Variants in PDE4D observed in about 807,000 individuals in gnomAD.
PDE4D encodes the protein 3',5'-cyclic-AMP phosphodiesterase 4D.
In PDE4D, 24 loss-of-function variants were observed where a neutral mutation model predicts 87.4. The observed-to-expected ratio is 0.27, with a 90% CI of 0.20 to 0.39. The LOEUF (loss-of-function observed/expected upper bound fraction) is 0.39. PDE4D is among the 10% of genes least tolerant of loss of function. The pLI, the probability that PDE4D is intolerant of heterozygous loss-of-function variation, is 1.00. For missense variants in PDE4D, 714 were observed against 1,041.0 expected (o/e 0.69, Z 4.32); for synonymous variants, 384 against 383.2 (o/e 1.00, Z -0.02).
intron 3 of PDE4D, among the ~76,000 whole-genome samples, chr5:59,973,895 A>G (rs1476168937): frequency 6.6e-6 from 1 of 152,184 alleles, no homozygotes; most frequent in Non-Finnish European, 1.5e-5. Flanking sequence ...GAATAAAAAA[A>G]TTGTGTGCAC....
intron 1 of PDE4D, among the ~76,000 whole-genome samples, chr5:59,406,040 C>T (rs1791547652): frequency 6.6e-6 from 1 of 152,110 alleles, no homozygotes; most frequent in Admixed American, 6.6e-5. Context: ...TAATACTGGC[C>T]TTGTGCAATA....
chr5:59,518,526 A>G (rs1811596355), intron 1 of PDE4D, among the ~76,000 whole-genome samples: 1 of 152,190 alleles, frequency 6.6e-6, no homozygotes. Context: ...TTAGGAAGAT[A>G]GAACTAAAAC....
chr5:59,135,786 T>A (rs757925667), intron 5 of PDE4D, among the ~76,000 whole-genome samples: 6 of 152,238 alleles, frequency 3.9e-5, no homozygotes, highest in African/African-American at 1.2e-4. Context: ...TTCAAAGATA[T>A]GTTTTGGCAT....
chr5:59,353,831 T>C (rs1780921967), intron 1 of PDE4D, among the ~76,000 whole-genome samples: 1 of 152,142 alleles, frequency 6.6e-6, no homozygotes, highest in Non-Finnish European at 1.5e-5. Context: ...TATAAAAATG[T>C]ATTTTACCCA....
chr5:60,109,566 G>A (rs1777450482), intron 2 of PDE4D, among the ~76,000 whole-genome samples: 1 of 151,918 alleles, frequency 6.6e-6, no homozygotes, highest in Non-Finnish European at 1.5e-5. Flanking sequence ...GCACACGTAT[G>A]TTTATTGTGG....
intron 2 of PDE4D, among the ~76,000 whole-genome samples, chr5:60,004,172 C>T (rs1191776210): frequency 6.6e-6 from 1 of 152,108 alleles, no homozygotes; most frequent in Non-Finnish European, 1.5e-5. Flanking sequence ...GGGACTACAT[C>T]AGACTTAAAA....
intron 1 of PDE4D, among the ~76,000 whole-genome samples, chr5:60,335,359 A>G (rs1456969550): frequency 2.6e-5 from 4 of 152,222 alleles, no homozygotes; most frequent in Non-Finnish European, 5.9e-5. Context: ...GTTGGTCAAC[A>G]TTAAAGTTGA....
At chr5:59,913,778 G>A (rs1753698103) in intron 3 of PDE4D, among the ~76,000 whole-genome samples, 1 of 151,932 alleles carries the variant, frequency 6.6e-6, no homozygotes. Flanking sequence ...TTTTAAAATA[G>A]TATAAAATGT....
chr5:60,014,477 G>A (rs1765331398), intron 2 of PDE4D, among the ~76,000 whole-genome samples: 1 of 152,182 alleles, frequency 6.6e-6, no homozygotes, highest in Non-Finnish European at 1.5e-5. Context: ...AGTACTGCTA[G>A]TACAATGTGG....
intron 5 of PDE4D, among the ~76,000 whole-genome samples, chr5:59,161,553 A>G (rs1781098214): frequency 6.6e-6 from 1 of 152,196 alleles, no homozygotes; most frequent in Non-Finnish European, 1.5e-5. Context: ...AATGTTTCTT[A>G]TCAGACTTAA....
At chr5:59,541,910 T>TCTA (rs1816420314) in intron 1 of PDE4D, among the ~76,000 whole-genome samples, 1 of 152,146 alleles carries the variant, frequency 6.6e-6, no homozygotes, top group Non-Finnish European at 1.5e-5. Flanking sequence ...TTCTGCATGA[T>TCTA]CTACTCTTCT....
At chr5:59,135,806 A>G (rs1776976126) in intron 5 of PDE4D, among the ~76,000 whole-genome samples, 1 of 152,230 alleles carries the variant, frequency 6.6e-6, no homozygotes, top group African/African-American at 2.4e-5. Flanking sequence ...TTCATTTTGC[A>G]AATCTCTACA....
chr5:60,388,114 G>A (rs758867039), intron 1 of PDE4D, among the ~76,000 whole-genome samples: 9 of 152,080 alleles, frequency 5.9e-5, no homozygotes, highest in Non-Finnish European at 8.8e-5. Context: ...TGCGTCCTCC[G>A]TAGATGCACC....
intron 5 of PDE4D, among the ~76,000 whole-genome samples, chr5:59,066,755 T>C (rs1376540125): frequency 6.6e-6 from 1 of 152,022 alleles, no homozygotes; most frequent in Non-Finnish European, 1.5e-5. Flanking sequence ...CTTTGGGAGA[T>C]AATTAGGTCA....
intron 1 of PDE4D, among the ~76,000 whole-genome samples, chr5:59,469,079 G>A (rs888851410): frequency 1.3e-5 from 2 of 152,116 alleles, no homozygotes; most frequent in East Asian, 1.9e-4. Flanking sequence ...TGTAATCCCA[G>A]CACTTTGGGA....
At chr5:60,182,092 T>A (rs1784419544) in intron 2 of PDE4D, among the ~76,000 whole-genome samples, 1 of 152,162 alleles carries the variant, frequency 6.6e-6, no homozygotes. Flanking sequence ...TAGGACAAGA[T>A]ACTTCAGAGA....
At chr5:59,135,204 G>C (rs903590427) in intron 5 of PDE4D, among the ~76,000 whole-genome samples, 3 of 152,256 alleles carry the variant, frequency 2.0e-5, no homozygotes, top group Admixed American at 1.3e-4. Flanking sequence ...AGTAGATGTG[G>C]TAATCATCCA....
intron 1 of PDE4D, among the ~76,000 whole-genome samples, chr5:59,539,647 A>G (rs754194902): frequency 1.3e-5 from 2 of 152,222 alleles, no homozygotes; most frequent in Non-Finnish European, 2.9e-5. Flanking sequence ...AAGTTATTCC[A>G]TAAGATATAA....
At chr5:59,833,142 G>A (rs1400626177) in intron 1 of PDE4D, among the ~76,000 whole-genome samples, 1 of 152,066 alleles carries the variant, frequency 6.6e-6, no homozygotes, top group Non-Finnish European at 1.5e-5. Flanking sequence ...AGATGGCAAG[G>A]GCCAGAGTGT....
Sources: gnomAD v4.1 joint callset for allele counts (sites outside exome capture counted in the v4.1 genomes callset) on GRCh38, gnomAD v4.1.1 for gene constraint, MANE v1.5 for transcripts, NCBI Gene and HGNC (gene_info 2026-07-23, HGNC 2026-07-21) for gene names.